The following PRKCH variants were observed in gnomAD, a reference collection of about 807,000 sequenced individuals.
PRKCH encodes the protein protein kinase C eta.
PRKCH carries 28 observed loss-of-function variants against 82.5 expected under a neutral mutation model. The observed-to-expected ratio is 0.34, with a 90% confidence interval of 0.25 to 0.47. PRKCH has a LOEUF of 0.47. PRKCH is among the 20% of genes least tolerant of loss of function. PRKCH has a pLI of 1.00. For synonymous variants in PRKCH, 322 were observed against 327.4 expected, an observed-to-expected ratio of 0.98 and a Z score of 0.18; for missense variants, 705 against 881.8, an observed-to-expected ratio of 0.80 and a Z score of 2.54.
chr14:61,403,369 A>G (rs1475421004), intron 2 of PRKCH, among the ~76,000 whole-genome samples: 1 of 152,154 alleles, frequency 6.6e-6, no homozygotes, highest in Non-Finnish European at 1.5e-5. Flanking sequence ...ACTGACACAT[A>G]TTTGTGTATG....
At chr14:61,247,799 A>G (rs1207544169) in intron 1 of PRKCH, among the ~76,000 whole-genome samples, 1 of 151,680 alleles carries the variant, frequency 6.6e-6, no homozygotes, top group Non-Finnish European at 1.5e-5. Flanking sequence ...TAAGCCATAG[A>G]GCATCTGACT....
At chr14:61,533,015 C>T (rs1222202017) in intron 12 of PRKCH, among the ~76,000 whole-genome samples, 1 of 152,214 alleles carries the variant, frequency 6.6e-6, no homozygotes, top group African/African-American at 2.4e-5. Flanking sequence ...TAGGAAGGAG[C>T]AGGGGCTCTG....
At chr14:61,231,830 TG>T (rs1281240262) in intron 1 of PRKCH, among the ~76,000 whole-genome samples, 1 of 152,148 alleles carries the variant, frequency 6.6e-6, no homozygotes, top group Non-Finnish European at 1.5e-5. Context: ...GGTGTGATGA[TG>T]TTGAAAAAAA....
At chr14:61,195,636 A>C (rs2044435649) in intron 1 of PRKCH, among the ~76,000 whole-genome samples, 1 of 152,246 alleles carries the variant, frequency 6.6e-6, no homozygotes. Flanking sequence ...GAATCAGGGC[A>C]TATCTCCCGG....
intron 2 of PRKCH, among the ~76,000 whole-genome samples, chr14:61,392,937 G>A (rs900884841): frequency 2.6e-5 from 4 of 151,692 alleles, no homozygotes; most frequent in African/African-American, 7.3e-5. Flanking sequence ...TTACAGAGGA[G>A]TTGAAACATT....
At chr14:61,211,265 A>G (rs10444724) in intron 1 of PRKCH, among the ~76,000 whole-genome samples, 74,896 of 152,130 alleles carry the variant, frequency 0.49, 20,467 homozygotes, top group Non-Finnish European at 0.6. Flanking sequence ...AGCTAGAAGA[A>G]CAGTGACAGC....
chr14:61,417,198 C>T (rs1286292051), intron 2 of PRKCH, among the ~76,000 whole-genome samples: 1 of 152,178 alleles, frequency 6.6e-6, no homozygotes, highest in Non-Finnish European at 1.5e-5. Flanking sequence ...TTTCCAGAGG[C>T]GAGACTGCTC....
intron 9 of PRKCH, among the ~76,000 whole-genome samples, chr14:61,468,845 C>T (rs1242028422): frequency 1.3e-5 from 2 of 152,172 alleles, no homozygotes; most frequent in African/African-American, 4.8e-5. Flanking sequence ...CACTTTGCCC[C>T]TGTGTCTCAT....
intron 1 of PRKCH, among the ~76,000 whole-genome samples, chr14:61,309,175 C>T (rs1254720594): frequency 6.6e-6 from 1 of 151,882 alleles, no homozygotes; most frequent in African/African-American, 2.4e-5. Flanking sequence ...TTCAGCTATT[C>T]AGGAAGTGAG....
intron 2 of PRKCH, among the ~76,000 whole-genome samples, chr14:61,419,132 G>A (rs886230294): frequency 6.6e-6 from 1 of 152,180 alleles, no homozygotes; most frequent in South Asian, 2.1e-4. Flanking sequence ...CTTTAGGGCA[G>A]CTAGTTGTTC....
intron 1 of PRKCH, among the ~76,000 whole-genome samples, chr14:61,282,136 A>G (rs1403685201): frequency 6.6e-6 from 1 of 152,096 alleles, no homozygotes; most frequent in Admixed American, 6.5e-5. Flanking sequence ...GGCCCAATCC[A>G]AGGTCCCAGG....
chr14:61,341,998 G>A (rs2045934956), intron 1 of PRKCH, among the ~76,000 whole-genome samples: 1 of 152,044 alleles, frequency 6.6e-6, no homozygotes, highest in Non-Finnish European at 1.5e-5. Context: ...GCATGAGAAA[G>A]GGTTCTCCTC....
In PRKCH at chr14:61,282,445, A is replaced by G. The variant is rs530499149; in HGVS notation, c.-19+94777A>G. 6.6e-5 allele frequency among the ~76,000 whole-genome samples: 10 copies of G among 152,226 alleles called. No individual in the cohort carries two copies. The East Asian group carries it at 1.9e-3, about 29-fold the overall frequency. On this transcript the variant is annotated intron_variant, in intron 1 of 3. Transcript: ENST00000555185. ...TCTCTATTACACTACACCTAGCATAATATATTATATTCAGGAGTCATTCAA... is the reference window on the plus strand; with the variant it reads ...TCTCTATTACACTACACCTAGCATAGTATATTATATTCAGGAGTCATTCAA...
intron 2 of PRKCH, among the ~76,000 whole-genome samples, chr14:61,429,740 A>G (rs1277955275): frequency 6.6e-6 from 1 of 152,254 alleles, no homozygotes; most frequent in African/African-American, 2.4e-5. Flanking sequence ...ATAGAGAGGA[A>G]GCAGAAACAA....
At chr14:61,459,818 C>G (rs766766537) in intron 9 of PRKCH, among the ~76,000 whole-genome samples, 1 of 152,036 alleles carries the variant, frequency 6.6e-6, no homozygotes, top group Admixed American at 6.6e-5. Context: ...TAATAGTATA[C>G]TTTGCCCATG....
chr14:61,443,323 A>G (rs1566885340), intron 3 of PRKCH, 62 bp downstream of exon 3: 1 of 1,506,118 alleles, frequency 6.6e-7, no homozygotes. Flanking sequence ...TCCTCTGGTT[A>G]TGTATGACTT....
chr14:61,303,699 AT>A (rs1297117579), intron 1 of PRKCH: 2 of 151,760 alleles, frequency 1.3e-5, no homozygotes, highest in African/African-American at 4.8e-5. Context: ...ATTTGGTAGG[AT>A]TTAAGTCTAT....
chr14:61,327,146 C>G (rs377056504), intron 1 of PRKCH: 4 of 455,678 alleles, frequency 8.8e-6, no homozygotes, highest in African/African-American at 6.0e-5. Flanking sequence ...TTCTCTGCAG[C>G]CCTGGAGGGC....
At chr14:61,496,619 C>T (rs560522104) in intron 10 of PRKCH, among the ~76,000 whole-genome samples, 165 of 151,962 alleles carry the variant, frequency 1.1e-3, no homozygotes, top group Middle Eastern at 6.8e-3. Flanking sequence ...TGAAACCCTT[C>T]CCTTAGTGCT....
Sources: gnomAD v4.1 joint callset for allele counts (sites outside exome capture counted in the v4.1 genomes callset) on GRCh38, gnomAD v4.1.1 for gene constraint, MANE v1.5 for transcripts, NCBI Gene and HGNC (gene_info 2026-07-23, HGNC 2026-07-21) for gene names.